The following CENPH variants were observed in gnomAD, a reference collection of about 807,000 sequenced individuals.
CENPH encodes centromere protein H, also known as CENP-H.
A neutral mutation model predicts 42.9 loss-of-function variants in CENPH; 40 were observed. The observed-to-expected ratio is 0.93, with a 90% CI of 0.72 to 1.21. The LOEUF (loss-of-function observed/expected upper bound fraction) is 1.21, where lower values mean the gene tolerates loss of function less well. CENPH is among the 50% of genes most tolerant of loss of function. The pLI, the probability that CENPH is intolerant of heterozygous loss-of-function variation, is 0.00. For missense variants in CENPH, 302 were observed against 292.9 expected (o/e 1.03, Z -0.23); for synonymous variants, 88 against 96.5 (o/e 0.91, Z 0.52).
At chr5:69,196,192 C>A (rs776874294) in intron 4 of CENPH, among the ~76,000 whole-genome samples, 7 of 152,114 alleles carry the variant, frequency 4.6e-5, no homozygotes, top group Non-Finnish European at 8.8e-5. Flanking sequence ...TCACCTCAGC[C>A]TCCCCAAAAT....
At chr5:69,199,222 A>C (rs1287751647) in intron 5 of CENPH, among the ~76,000 whole-genome samples, 1 of 152,154 alleles carries the variant, frequency 6.6e-6, no homozygotes, top group East Asian at 1.9e-4. Context: ...TCTGTTGCTC[A>C]GGCTGGAGTG....
chr5:69,189,598 T>C lies in CENPH; in HGVS notation c.-37T>C. The C allele has an allele frequency of 6.5e-7, 1 of 1,549,872 alleles. No individual in the cohort carries two copies. The highest frequency in any genetic ancestry group is 1.2e-5 in the South Asian group (1 of 84,890). Reference sequence around the variant, plus strand: ...GAAAAGCGACCTTTTCTGAGCGCGTTTGCCTGTTGAGTGGTAGCCTTTCCC... The same window carrying C: ...GAAAAGCGACCTTTTCTGAGCGCGTCTGCCTGTTGAGTGGTAGCCTTTCCC... On this transcript the variant is annotated 5_prime_UTR_variant, in exon 1 of 9. Transcript: ENST00000283006.
At chr5:69,191,036 A>G (rs1747861962) in intron 1 of CENPH, among the ~76,000 whole-genome samples, 1 of 152,150 alleles carries the variant, frequency 6.6e-6, no homozygotes, top group Non-Finnish European at 1.5e-5. Context: ...CTACTTATGT[A>G]TGATTTTTGG....
chr5:69,204,919 C>CT (rs375795328), intron 7 of CENPH, among the ~76,000 whole-genome samples: 16,246 of 99,400 alleles, frequency 0.16, 1,518 homozygotes, highest in East Asian at 0.25. Context: ...TTTTCTTTTT[C>CT]TTTTTTTTTT....
intron 2 of CENPH, among the ~76,000 whole-genome samples, 194 bp from the exon 3 acceptor site, chr5:69,194,449 AACTG>A (rs1747930532): frequency 1.3e-5 from 2 of 152,240 alleles, no homozygotes; most frequent in South Asian, 2.1e-4. Context: ...AGTAATGTTA[AACTG>A]ACTGCACATT....
intron 5 of CENPH, among the ~76,000 whole-genome samples, chr5:69,198,126 T>G (rs1747996139): frequency 6.6e-6 from 1 of 151,752 alleles, no homozygotes; most frequent in African/African-American, 2.4e-5. Flanking sequence ...TTCACTGTGT[T>G]AGCCAGGATG....
Position 69,208,249 on chromosome 5 carries a change from A to G in CENPH, c.541A>G (p.Lys181Glu). 6.3e-7 allele frequency: 1 copy of G among 1,594,842 alleles called. No individual in the cohort carries two copies. The highest frequency in any genetic ancestry group is 2.2e-5 in the East Asian group (1 of 44,724). Reference sequence around the variant, plus strand: ...TTTAGAAATACAGACTGAAAAGAACAAACAGAAGATTGATTTGGACAGTAT... The same window carrying G: ...TTTAGAAATACAGACTGAAAAGAACGAACAGAAGATTGATTTGGACAGTAT... ...KLLEIQTEKN[K>E]QKIDLDSMEN... Residue 181 changes from lysine (K) to glutamate (E), a missense_variant, in exon 8 of 9, where the codon AAA becomes GAA. By Grantham distance (56) the Lys-to-Glu change is moderately conservative (BLOSUM62 1). Transcript: ENST00000283006.
chr5:69,194,076 C>G (rs1399175336), intron 2 of CENPH, among the ~76,000 whole-genome samples: 2 of 152,156 alleles, frequency 1.3e-5, no homozygotes, highest in African/African-American at 4.8e-5. Context: ...GGAAACATTT[C>G]CATCATCACA....
chr5:69,191,041 T>A lies in CENPH; in HGVS notation c.135-754T>A, dbSNP rs1014368043. 2.0e-5 allele frequency among the ~76,000 whole-genome samples: 3 copies of A among 152,224 alleles called. 1 individual carries two copies. The highest frequency in any genetic ancestry group is 2.0e-4 in the Admixed American group (3 of 15,270). ...CATAGTTTTTCTACTTATGTATGATTTTTGGATTTATAGAACAACTGAAAA... is the reference window on the plus strand; with the variant it reads ...CATAGTTTTTCTACTTATGTATGATATTTGGATTTATAGAACAACTGAAAA... On this transcript the variant is annotated intron_variant, in intron 1 of 8. Coordinates refer to ENST00000283006, the MANE Select transcript of CENPH (RefSeq NM_022909.4).
At chr5:69,201,994 A>AT (rs1331475708) in intron 5 of CENPH, among the ~76,000 whole-genome samples, 3 of 152,184 alleles carry the variant, frequency 2.0e-5, no homozygotes, top group African/African-American at 4.8e-5. Flanking sequence ...GATGTTGATA[A>AT]TGGGAGAGGC....
chr5:69,208,402 C>T, intron 8 of CENPH, 43 bp downstream of exon 8: 1 of 1,356,768 alleles, frequency 7.4e-7, no homozygotes, highest in South Asian at 1.3e-5. Context: ...TCTTGTTGCC[C>T]AGGCTGGAGT....
chr5:69,202,669 G>A, intron 6 of CENPH, 100 bp downstream of exon 6: 2 of 765,676 alleles, frequency 2.6e-6, no homozygotes, highest in Non-Finnish European at 4.4e-6. Context: ...TGTCCAAAGG[G>A]AATGCTATGA....
At position 69,189,618 on chromosome 5, in the gene CENPH, T is replaced by C. The variant is rs1440906497; in HGVS notation, c.-17T>C. ...CGCGTTTGCCTGTTGAGTGGTAGCCTTTCCCCTCAACCAGCAATGGAGGAG... is the reference window on the plus strand; with the variant it reads ...CGCGTTTGCCTGTTGAGTGGTAGCCCTTCCCCTCAACCAGCAATGGAGGAG... On this transcript the variant is annotated 5_prime_UTR_variant, in exon 1 of 9. Transcript: ENST00000283006. 6.3e-7 allele frequency: 1 copy of C among 1,589,054 alleles called. No homozygotes were observed. The highest frequency in any genetic ancestry group is 1.1e-5 in the South Asian group (1 of 88,212).
chr5:69,193,667 T>TG (rs1245494046), intron 2 of CENPH, among the ~76,000 whole-genome samples: 5 of 151,052 alleles, frequency 3.3e-5, no homozygotes, highest in Non-Finnish European at 7.4e-5. Context: ...TTTTCTGTTT[T>TG]TTTTTTTTTT....
At chr5:69,189,895 C>G (rs914825777) in intron 1 of CENPH, 127 bp downstream of exon 1, 1 of 1,062,548 alleles carries the variant, frequency 9.4e-7, no homozygotes, top group African/African-American at 1.7e-5. Context: ...TTGCCTCATT[C>G]ACTTAAACTG....
intron 5 of CENPH, among the ~76,000 whole-genome samples, chr5:69,201,544 G>C (rs376959933): frequency 1.4e-4 from 21 of 152,188 alleles, no homozygotes; most frequent in African/African-American, 5.1e-4. Context: ...GTGGATGCAT[G>C]TAATTATACA....
At chr5:69,197,901 C>A in intron 5 of CENPH, among the ~76,000 whole-genome samples, 1 of 133,674 alleles carries the variant, frequency 7.5e-6, no homozygotes, top group Non-Finnish European at 1.6e-5. Context: ...CCTCAGAGGT[C>A]TTACCTATGA....
rs1467609124 is a variant in CENPH, at chr5:69,202,585, A to G, written c.435+16A>G. ...ATCACAGCAGGTAAACTTACACATT[A>G]GGCTGATTATGCATTCTCATGATTT... On this transcript the variant is annotated intron_variant, in intron 6 of 8. Transcript: ENST00000283006. The G allele has an allele frequency of 1.4e-6, 2 of 1,415,552 alleles. No homozygotes were observed. The allele number at this position is 1,415,552 out of a possible 1,614,324, so 87.7% of individuals were successfully genotyped here. A position where few individuals can be genotyped will look rare whatever the true frequency, so the allele number is the denominator to read the frequency against.
Position 69,189,670 on chromosome 5 carries a change from G to C in CENPH, c.36G>C (p.Glu12Asp). The change falls in exon 1 of 9, where the codon GAG becomes GAC. Residue 12 changes from glutamate to aspartate, a missense_variant. Coordinates refer to ENST00000283006, the MANE Select transcript of CENPH (RefSeq NM_022909.4). ...EEQPQMQDAD[E>D]PADSGGEGRA... ...AGCCCCAGATGCAAGACGCCGACGA[G>C]CCCGCGGACTCCGGAGGGGAAGGCC... 6.3e-7 allele frequency: 1 copy of C among 1,599,494 alleles called. No individual in the cohort carries two copies. The highest frequency in any genetic ancestry group is 8.5e-7 in the Non-Finnish European group (1 of 1,175,026).
Sources: gnomAD v4.1 joint callset for allele counts (sites outside exome capture counted in the v4.1 genomes callset) on GRCh38, gnomAD v4.1.1 for gene constraint, MANE v1.5 for transcripts, NCBI Gene and HGNC (gene_info 2026-07-23, HGNC 2026-07-21) for gene names.